The following SMO variants were observed in gnomAD, a reference collection of about 807,000 sequenced individuals.
SMO encodes protein smoothened.
In SMO, 40 loss-of-function variants were observed where a neutral mutation model predicts 81.6. The ratio of observed to expected loss-of-function variants is 0.49; its 90% CI spans 0.38 to 0.64. The LOEUF is 0.64. Ranked by LOEUF, SMO falls within the 30% of genes least tolerant of loss-of-function variation. The probability of loss-of-function intolerance (pLI) is 0.00; values close to 1 mark genes in which losing one functional copy is unlikely to be tolerated. For synonymous variants in SMO, 434 were observed against 432.1 expected, an observed-to-expected ratio of 1.00 and a Z score of -0.05; for missense variants, 916 against 1,061.1, an observed-to-expected ratio of 0.86 and a Z score of 1.90.
chr7:129,206,711 T>C lies in SMO; in HGVS notation c.1264+124T>C. 1 of 932,028 alleles carries C rather than the reference T, an allele frequency of 1.1e-6. No individual in the cohort carries two copies. Among genetic ancestry groups the C allele is most frequent in the Non-Finnish European group, 1.6e-6 (1 of 643,636 alleles). The allele number at this position is 932,028 out of a possible 1,614,324, so 57.7% of individuals were successfully genotyped here. On this transcript the variant is annotated intron_variant, in intron 6 of 11. Coordinates refer to ENST00000249373, the MANE Select transcript of SMO (RefSeq NM_005631.5). This position sits in a 1 kb window ranked among gnomAD's most constrained non-coding sequence, Gnocchi z 4.4. ...ACCCCAGCTAGCTCCTATAGGGCCT[T>C]CACACAGTAGAAGGTGACCCTCTAG...
Position 129,205,277 on chromosome 7 carries a change from G to C in SMO, c.612G>C (p.Lys204Asn), listed in dbSNP as rs758505705. 5 of 1,614,236 alleles carry C rather than the reference G, an allele frequency of 3.1e-6. No individual in the cohort carries two copies. Among genetic ancestry groups the C allele is most frequent in the East Asian group, 2.2e-5 (1 of 44,872 alleles). ...CCTTGGTTCGGACAGACAACCCCAAGAGCTGGTACGAGGACGTGGAGGGCT... is the reference window on the plus strand; with the variant it reads ...CCTTGGTTCGGACAGACAACCCCAACAGCTGGTACGAGGACGTGGAGGGCT... ...EVPLVRTDNP[K>N]SWYEDVEGCG... Residue 204 changes from lysine (K) to asparagine (N), a missense_variant, in exon 3 of 12, where the codon AAG becomes AAC. Lys to Asn is a moderately conservative substitution (Grantham distance 94). Around this residue, in one of 4 missense-constraint regions of SMO, gnomAD observed 436 missense variants for 570.9 expected, o/e 0.76. Coordinates refer to ENST00000249373, the MANE Select transcript of SMO (RefSeq NM_005631.5).
rs757620819 is a variant in SMO, at chr7:129,206,539, G to A, written c.1216G>A (p.Ala406Thr). 41 of 1,614,054 alleles carry A rather than the reference G, an allele frequency of 2.5e-5. No homozygotes were observed. Among genetic ancestry groups the A allele is most frequent in the Non-Finnish European group, 3.3e-5 (39 of 1,180,038 alleles). ...CCGATACCGTGCGGGCTTCGTGCTGGCCCCAATCGGCCTGGTGCTCATCGT... is the reference window on the plus strand; with the variant it reads ...CCGATACCGTGCGGGCTTCGTGCTGACCCCAATCGGCCTGGTGCTCATCGT... ...NYRYRAGFVL[A>T]PIGLVLIVGG... The change falls in exon 6 of 12, where the codon GCC becomes ACC. Residue 406 changes from alanine to threonine, a missense_variant. By Grantham distance (58) the Ala-to-Thr change is moderately conservative. Coordinates refer to ENST00000249373, the MANE Select transcript of SMO (RefSeq NM_005631.5). This position sits in a 1 kb window ranked among gnomAD's most constrained non-coding sequence, Gnocchi z 4.4.
chr7:129,192,047 A>C (rs1225770447), intron 1 of SMO, among the ~76,000 whole-genome samples: 1 of 152,214 alleles, frequency 6.6e-6, no homozygotes, highest in African/African-American at 2.4e-5. Flanking sequence ...GCCTCTAAAA[A>C]AAAAAAAGGA....
At chr7:129,201,985 G>T (rs117390728) in intron 1 of SMO, among the ~76,000 whole-genome samples, 3 of 152,040 alleles carry the variant, frequency 2.0e-5, no homozygotes, top group African/African-American at 7.2e-5. Context: ...CTGGCCAACT[G>T]GTGACTGAAT....
Position 129,211,007 on chromosome 7 carries a change from G to A in SMO, c.1695G>A (p.Lys565=), listed in dbSNP as rs759063384. The change falls in exon 10 of 12, where the codon AAG becomes AAA. Residue 565 remains lysine, a synonymous_variant. Transcript: ENST00000249373. The surrounding 1 kb of genome is among the most constrained non-coding windows in gnomAD (Gnocchi z 4.6). Reference sequence around the variant, plus strand: ...ACGATGAGCCAAAGCGGATCAAGAAGAGCAAGATGATTGCCAAGGCCTTCT... The same window carrying A: ...ACGATGAGCCAAAGCGGATCAAGAAAAGCAAGATGATTGCCAAGGCCTTCT... ...QSDDEPKRIK[K]SKMIAKAFSK... The A allele has an allele frequency of 1.2e-6, 2 of 1,613,928 alleles. No individual in the cohort carries two copies. The highest frequency in any genetic ancestry group is 8.5e-7 in the Non-Finnish European group (1 of 1,179,900).
Position 129,212,195 on chromosome 7 carries a change from G to C in SMO, c.2108G>C (p.Arg703Pro), listed in dbSNP as rs761586263. Residue 703 changes from arginine (R) to proline (P), a missense_variant, in exon 12 of 12, where the codon CGA becomes CCA. Transcript: ENST00000249373. The surrounding 1 kb of genome is among the most constrained non-coding windows in gnomAD (Gnocchi z 5.0). ...GCCCCTGCCCCCAGTACCATTCCTC[G>C]ACTGCCTCAGCTGCCCCGGCAGAAA... is the stretch of plus-strand genomic sequence containing the variant. ...PPAPAPSTIP[R>P]LPQLPRQKCL... 4.4e-5 allele frequency: 68 copies of C among 1,561,638 alleles called. No individual in the cohort carries two copies. Among genetic ancestry groups the C allele is most frequent in the East Asian group, 1.4e-4 (6 of 41,520 alleles).
rs1289886276 is a variant in SMO, at chr7:129,206,270, C to G, written c.1041C>G (p.Gly347=). 6.2e-7 allele frequency: 1 copy of G among 1,614,218 alleles called. No homozygotes were observed. The highest frequency in any genetic ancestry group is 1.1e-5 in the South Asian group (1 of 91,082). ...GGCACACTTCCTTCAAAGCCCTGGG[C>G]ACCACCTACCAGCCTCTCTCGGGCA... The part of the protein sequence containing the change: ...YAWHTSFKAL[G]TTYQPLSGKT... The change falls in exon 5 of 12, where the codon GGC becomes GGG. Residue 347 remains glycine (G), a synonymous_variant. Transcript: ENST00000249373. This position sits in a 1 kb window ranked among gnomAD's most constrained non-coding sequence, Gnocchi z 4.4.
chr7:129,197,695 A>G (rs553840780), intron 1 of SMO, among the ~76,000 whole-genome samples: 110 of 152,294 alleles, frequency 7.2e-4, no homozygotes, highest in African/African-American at 2.6e-3. Flanking sequence ...TGCTAGGATT[A>G]CAGGTGTGAG....
At chr7:129,209,768 A>G (rs1348012725) in intron 8 of SMO, 5 of 230,484 alleles carry the variant, frequency 2.2e-5, no homozygotes, top group East Asian at 9.7e-5. Context: ...CCTCTCTGTG[A>G]TAGGTTAATG....
chr7:129,210,574 G>T lies in SMO; in HGVS notation c.1652+26G>T, dbSNP rs938217330. 35 of 1,569,996 alleles carry T rather than the reference G, an allele frequency of 2.2e-5. No homozygotes were observed. In the East Asian group the frequency reaches 7.8e-4, roughly 35 times the overall value. ...GTGGGCATGGCAGCCAGCCCCTCCTGCCCTGCCCGCCTCACCCTCAGCCTT... is the reference window on the plus strand; with the variant it reads ...GTGGGCATGGCAGCCAGCCCCTCCTTCCCTGCCCGCCTCACCCTCAGCCTT... On this transcript the variant is annotated intron_variant, in intron 9 of 11. Transcript: ENST00000249373. The surrounding 1 kb of genome is among the most constrained non-coding windows in gnomAD (Gnocchi z 4.7).
intron 1 of SMO, among the ~76,000 whole-genome samples, chr7:129,203,112 T>C (rs1793696805): frequency 6.6e-6 from 1 of 152,158 alleles, no homozygotes; most frequent in African/African-American, 2.4e-5. Flanking sequence ...TCACCGTCCC[T>C]AGAGTAGAGG....
rs773739100 is a variant in SMO at position 129,209,334 on chromosome 7, G to A, written c.1403G>A (p.Ser468Asn). Residue 468 changes from serine (S) to asparagine (N), a missense_variant, in exon 8 of 12, where the codon AGC becomes AAC. Around this residue, in one of 4 missense-constraint regions of SMO, gnomAD observed 436 missense variants for 570.9 expected, o/e 0.76. Coordinates refer to ENST00000249373, the MANE Select transcript of SMO (RefSeq NM_005631.5). Reference protein sequence around the residue: ...LAFGFVLITFSCHFYDFFNQA... With the variant: ...LAFGFVLITFNCHFYDFFNQA... ...TTTGGCTTTGTGCTCATTACCTTCA[G>A]CTGCCACTTCTACGACTTCTTCAAC... is the stretch of plus-strand genomic sequence containing the variant. The A allele has an allele frequency of 6.2e-7, 1 of 1,613,692 alleles. No individual in the cohort carries two copies. Among genetic ancestry groups the A allele is most frequent in the Non-Finnish European group, 8.5e-7 (1 of 1,179,972 alleles).
rs1793831895 is a variant in SMO at position 129,209,579 on chromosome 7, C to G, written c.1466+182C>G. ...TAGTTTCTCAAACGTGGCAAACAAC[C>G]TTCGCATCCCTTCTCACCTCTGCCC... On this transcript the variant is annotated intron_variant, in intron 8 of 11. Transcript: ENST00000249373. Among the ~76,000 whole-genome samples, 5 of 152,186 alleles carry G rather than the reference C, an allele frequency of 3.3e-5. No homozygotes were observed. The South Asian group carries it at 1.0e-3, about 32-fold the overall frequency.
Position 129,189,619 on chromosome 7 carries a change from G to C in SMO, c.331+137G>C. 1 of 940,614 alleles carries C rather than the reference G, an allele frequency of 1.1e-6. No homozygotes were observed. Among genetic ancestry groups the C allele is most frequent in the South Asian group, 1.7e-5 (1 of 59,628 alleles). The allele number at this position is 940,614 out of a possible 1,614,324, so 58.3% of individuals were successfully genotyped here. A position where few individuals can be genotyped will look rare whatever the true frequency, so the allele number is the denominator to read the frequency against. On this transcript the variant is annotated intron_variant, in intron 1 of 11. Transcript: ENST00000249373. This position sits in a 1 kb window ranked among gnomAD's most constrained non-coding sequence, Gnocchi z 4.7. ...CGGGAGAGTTGGAGGGACAGATCCC[G>C]AAACTTTGGGGGCAGGTTACGTGCA...
In SMO at chr7:129,189,339, A is replaced by G. The variant is rs1463706486; in HGVS notation, c.188A>G (p.His63Arg). The G allele has an allele frequency of 6.6e-7, 1 of 1,516,270 alleles. No homozygotes were observed. Among genetic ancestry groups the G allele is most frequent in the South Asian group, 1.2e-5 (1 of 82,688 alleles). 93.9% of individuals were successfully genotyped at this position (1,516,270 alleles called of 1,614,324 possible). A position where few individuals can be genotyped will look rare whatever the true frequency, so the allele number is the denominator to read the frequency against. The stretch of plus-strand genomic sequence containing the variant: ...ACTGGCCCTCCGCCGCCGCTGAGCC[A>G]CTGCGGCCGGGCTGCCCCCTGCGAG... ...AVTGPPPPLS[H>R]CGRAAPCEPL... Residue 63 changes from histidine (H) to arginine (R), a missense_variant, in exon 1 of 12, where the codon CAC becomes CGC. His to Arg is a conservative substitution (Grantham distance 29, BLOSUM62 0). Transcript: ENST00000249373. This position sits in a 1 kb window ranked among gnomAD's most constrained non-coding sequence, Gnocchi z 4.7.
Position 129,209,385 on chromosome 7 carries a change from G to A in SMO, c.1454G>A (p.Arg485Gln), listed in dbSNP as rs780804609. ...FNQAEWERSF[R>Q]DYVLCQANVT... ...CAGGCTGAGTGGGAGCGCAGCTTCCGGGACTATGTGCTGTGAGTGAGGGGC... is the reference window on the plus strand; with the variant it reads ...CAGGCTGAGTGGGAGCGCAGCTTCCAGGACTATGTGCTGTGAGTGAGGGGC... The change falls in exon 8 of 12, where the codon CGG becomes CAG. Residue 485 changes from arginine to glutamine, a missense_variant. Arg to Gln is a conservative substitution (Grantham distance 43). Transcript: ENST00000249373. 2.5e-6 allele frequency: 4 copies of A among 1,609,336 alleles called. No homozygotes were observed. The highest frequency in any genetic ancestry group is 2.6e-6 in the Non-Finnish European group (3 of 1,175,662).
At position 129,210,269 on chromosome 7, in the gene SMO, C is replaced by T. The variant is rs1584665020; in HGVS notation, c.1467-94C>T. The stretch of plus-strand genomic sequence containing the variant: ...GCAGTGGGTTGTGATCACGCCACCG[C>T]ACTCTAGCCTGGGTGACAGAGCAAG... On this transcript the variant is annotated intron_variant, in intron 8 of 11. Transcript: ENST00000249373. The surrounding 1 kb of genome is among the most constrained non-coding windows in gnomAD (Gnocchi z 4.7). The T allele has an allele frequency of 7.5e-6, 8 of 1,061,154 alleles. No homozygotes were observed. The East Asian group carries it at 1.7e-4, about 22-fold the overall frequency. 65.7% of individuals were successfully genotyped at this position (1,061,154 alleles called of 1,614,324 possible). A position where few individuals can be genotyped will look rare whatever the true frequency, so the allele number is the denominator to read the frequency against.
rs1793440840 is a variant in SMO at position 129,189,064 on chromosome 7, C to T, written c.-88C>T. The stretch of plus-strand genomic sequence containing the variant: ...GCGCACAGGTCGCCTGAGCCGCCTC[C>T]GCGGCCGCCGAGGTCGTGCGTGTGG... On this transcript the variant is annotated 5_prime_UTR_variant, in exon 1 of 12. Transcript: ENST00000249373. The surrounding 1 kb of genome is among the most constrained non-coding windows in gnomAD (Gnocchi z 4.7). 8.5e-7 allele frequency: 1 copy of T among 1,171,078 alleles called. No individual in the cohort carries two copies. Among genetic ancestry groups the T allele is most frequent in the Non-Finnish European group, 1.1e-6 (1 of 939,836 alleles). The allele number at this position is 1,171,078 out of a possible 1,614,324, so 72.5% of individuals were successfully genotyped here.
At chr7:129,195,152 G>C (rs1793551423) in intron 1 of SMO, among the ~76,000 whole-genome samples, 1 of 152,162 alleles carries the variant, frequency 6.6e-6, no homozygotes, top group Non-Finnish European at 1.5e-5. Context: ...ACATTGCTGT[G>C]AGTAGTCTTT....
Sources: allele counts gnomAD v4.1 joint callset (sites outside exome capture counted in the v4.1 genomes callset), GRCh38; gene constraint gnomAD v4.1.1; regional missense constraint gnomAD v4.1.1; non-coding constraint Gnocchi (gnomAD v3.1); transcripts MANE v1.5; gene names NCBI Gene and HGNC (gene_info 2026-07-23, HGNC 2026-07-21).